Variants in XIRP2 observed in about 807,000 individuals in gnomAD.
The protein encoded by XIRP2 is xin actin-binding repeat-containing protein 2.
A neutral mutation model predicts 277.0 loss-of-function variants in XIRP2; 236 were observed. The ratio of observed to expected loss-of-function variants is 0.85; its 90% CI spans 0.77 to 0.95. XIRP2 has a LOEUF of 0.95. Among genes scored for constraint, XIRP2 ranks in the 40% least tolerant of loss-of-function variants. The pLI, the probability that XIRP2 is intolerant of heterozygous loss-of-function variation, is 0.00. For missense variants in XIRP2, 4,640 were observed against 4,157.5 expected (o/e 1.12, Z -3.19); for synonymous variants, 1,490 against 1,416.5 (o/e 1.05, Z -1.17).
chr2:167,251,240 T>C lies in XIRP2; in HGVS notation c.9848T>C (p.Met3283Thr), dbSNP rs906195649. The change falls in exon 9 of 11, where the codon ATG becomes ACG. Residue 3283 changes from methionine (M) to threonine (T), a missense_variant. Physicochemically the swap from Met to Thr is moderately conservative, Grantham distance 81 (BLOSUM62 -1). Coordinates refer to ENST00000409195, the MANE Select transcript of XIRP2 (RefSeq NM_152381.6). ...GATGGACTAAATTCCACTGATCACATGGTGCCCGACACTGAAAGTTATGAT... is the reference window on the plus strand; with the variant it reads ...GATGGACTAAATTCCACTGATCACACGGTGCCCGACACTGAAAGTTATGAT... ...HKDGLNSTDH[M>T]VPDTESYDAV... 6.8e-6 allele frequency: 11 copies of C among 1,613,470 alleles called. No individual in the cohort carries two copies. Among genetic ancestry groups the C allele is most frequent in the African/African-American group, 1.3e-5 (1 of 74,862 alleles).
rs1168360338 is a variant in XIRP2 at position 167,152,932 on chromosome 2, C to A, written c.562+16870C>A. Among the ~76,000 whole-genome samples, 3 of 152,110 alleles carry A rather than the reference C, an allele frequency of 2.0e-5. No homozygotes were observed. The East Asian group carries it at 5.8e-4, about 29-fold the overall frequency. On this transcript the variant is annotated intron_variant, in intron 3 of 10. Transcript: ENST00000409195. ...CACAGATAAAATGACCCCACATTTT[C>A]CTCTTTGGCTGCTCCCCCAAATGCA... is the stretch of plus-strand genomic sequence containing the variant.
chr2:167,104,541 A>G (rs538248123), intron 2 of XIRP2, among the ~76,000 whole-genome samples: 42 of 152,196 alleles, frequency 2.8e-4, no homozygotes, highest in South Asian at 2.7e-3. Context: ...CTTGTACTTT[A>G]TGGTATGAAC....
chr2:167,178,918 G>A (rs1331343496), intron 3 of XIRP2, among the ~76,000 whole-genome samples: 1 of 152,098 alleles, frequency 6.6e-6, no homozygotes, highest in Non-Finnish European at 1.5e-5. Context: ...AACTTTCTCA[G>A]TGAAAGAATG....
intron 5 of XIRP2, among the ~76,000 whole-genome samples, chr2:167,218,660 G>T (rs2105400881): frequency 6.6e-6 from 1 of 152,262 alleles, no homozygotes; most frequent in East Asian, 1.9e-4. Flanking sequence ...TAATAAACTA[G>T]CTGCTGGTTA....
chr2:167,210,309 T>C (rs1206408842), intron 3 of XIRP2, among the ~76,000 whole-genome samples: 1 of 152,170 alleles, frequency 6.6e-6, no homozygotes, highest in Non-Finnish European at 1.5e-5. Context: ...CCTTGGAAAG[T>C]TTTTTAATAG....
intron 3 of XIRP2, among the ~76,000 whole-genome samples, chr2:167,200,125 A>G (rs1241597566): frequency 6.6e-6 from 1 of 152,216 alleles, no homozygotes; most frequent in African/African-American, 2.4e-5. Context: ...ACATAACAAT[A>G]TATTTAGGGG....
intron 5 of XIRP2, among the ~76,000 whole-genome samples, chr2:167,227,481 G>A (rs184457102): frequency 6.6e-5 from 10 of 152,094 alleles, no homozygotes; most frequent in Admixed American, 2.0e-4. Context: ...TGGGAGGATC[G>A]TTTGAGGCCA....
At chr2:166,914,225 C>T (rs755358401) in intron 2 of XIRP2, among the ~76,000 whole-genome samples, 14 of 152,154 alleles carry the variant, frequency 9.2e-5, no homozygotes, top group African/African-American at 9.7e-5. Flanking sequence ...AACTGGAAAA[C>T]GCAAGGAAAT....
At chr2:167,024,779 C>G (rs1427508127) in intron 2 of XIRP2, among the ~76,000 whole-genome samples, 5 of 152,142 alleles carry the variant, frequency 3.3e-5, no homozygotes, top group African/African-American at 9.7e-5. Flanking sequence ...TATGTTGAAC[C>G]AGCCTTGCAT....
intron 2 of XIRP2, among the ~76,000 whole-genome samples, chr2:167,040,019 G>T (rs1022323834): frequency 6.6e-6 from 1 of 151,880 alleles, no homozygotes; most frequent in African/African-American, 2.4e-5. Context: ...TACAAAATAC[G>T]GTTTGTTCTA....
At chr2:167,257,204 G>A (rs984466947) in intron 10 of XIRP2, among the ~76,000 whole-genome samples, 5 of 151,902 alleles carry the variant, frequency 3.3e-5, no homozygotes, top group Non-Finnish European at 7.4e-5. Flanking sequence ...CCTTGTGACT[G>A]TTGGTGGTTT....
intron 2 of XIRP2, among the ~76,000 whole-genome samples, chr2:167,097,490 G>A (rs1369085991): frequency 1.3e-5 from 2 of 152,074 alleles, no homozygotes; most frequent in Admixed American, 6.5e-5. Flanking sequence ...ACACCAATTG[G>A]TGTTGACTCT....
intron 2 of XIRP2, among the ~76,000 whole-genome samples, chr2:167,135,265 A>T (rs1052092430): frequency 1.3e-5 from 2 of 152,100 alleles, no homozygotes; most frequent in Non-Finnish European, 2.9e-5. Context: ...AGGAATCTGT[A>T]TATTCCTTAT....
intron 2 of XIRP2, among the ~76,000 whole-genome samples, chr2:167,115,288 T>G (rs182267340): frequency 1.2e-4 from 19 of 152,332 alleles, no homozygotes; most frequent in Admixed American, 1.1e-3. Context: ...TACCTTGGAT[T>G]GGGTTTTGAT....
At chr2:167,045,291 T>TA (rs148040044) in intron 2 of XIRP2, among the ~76,000 whole-genome samples, 9,230 of 151,920 alleles carry the variant, frequency 0.061, 291 homozygotes, top group African/African-American at 0.079. Context: ...CCTAAAACTA[T>TA]AAAAAATCTT....
At chr2:167,008,113 A>G (rs1333375008) in intron 2 of XIRP2, among the ~76,000 whole-genome samples, 1 of 151,576 alleles carries the variant, frequency 6.6e-6, no homozygotes. Context: ...ATTTACTTTT[A>G]TCTCATTTCA....
intron 6 of XIRP2, among the ~76,000 whole-genome samples, chr2:167,240,292 G>A (rs1695021847): frequency 6.6e-6 from 1 of 152,052 alleles, no homozygotes; most frequent in African/African-American, 2.4e-5. Context: ...GTATGTGCCT[G>A]TAATCCCAGC....
At position 167,218,232 on chromosome 2, in the gene XIRP2, G is replaced by A. The variant is rs755233524; in HGVS notation, c.790G>A (p.Asp264Asn). Residue 264 changes from aspartate to asparagine, a missense_variant, in exon 5 of 11, where the codon GAC becomes AAC. By Grantham distance (23) the Asp-to-Asn change is conservative. Coordinates refer to ENST00000409195, the MANE Select transcript of XIRP2 (RefSeq NM_152381.6). ...GLAKVKKQFE[D>N]EITSSRNTFA... Reference sequence around the variant, plus strand: ...GGCCAAGGTGAAGAAACAATTTGAGGACGAAATTACTTCTTCCCGTAATAC... The same window carrying A: ...GGCCAAGGTGAAGAAACAATTTGAGAACGAAATTACTTCTTCCCGTAATAC... The A allele has an allele frequency of 5.0e-6, 8 of 1,608,204 alleles. No homozygotes were observed. The South Asian group carries it at 7.8e-5, about 16-fold the overall frequency.
intron 3 of XIRP2, among the ~76,000 whole-genome samples, chr2:167,137,546 C>T (rs1691590077): frequency 6.6e-6 from 1 of 152,150 alleles, no homozygotes; most frequent in South Asian, 2.1e-4. Flanking sequence ...TAATTAACTC[C>T]ACTCATCACA....
Sources: allele counts gnomAD v4.1 joint callset (sites outside exome capture counted in the v4.1 genomes callset), GRCh38; gene constraint gnomAD v4.1.1; transcripts MANE v1.5; gene names NCBI Gene and HGNC (gene_info 2026-07-23, HGNC 2026-07-21).